Variants in KCNIP4 observed in about 807,000 individuals in gnomAD.
KCNIP4 encodes the protein potassium voltage-gated channel interacting protein 4, also known as Kv channel-interacting protein 4.
In KCNIP4, 12 loss-of-function variants were observed where a neutral mutation model predicts 34.0. The observed-to-expected ratio is 0.35, with a 90% CI of 0.23 to 0.57. KCNIP4 has a LOEUF of 0.57. Among genes scored for constraint, KCNIP4 ranks in the 20% least tolerant of loss-of-function variants. The pLI is 0.83. For synonymous variants in KCNIP4, 124 were observed against 102.2 expected (o/e 1.21, Z -1.29); for missense variants, 238 against 311.7 (o/e 0.76, Z 1.78).
chr4:21,276,288 A>C (rs1762431015), intron 1 of KCNIP4, among the ~76,000 whole-genome samples: 2 of 152,068 alleles, frequency 1.3e-5, no homozygotes, highest in South Asian at 4.1e-4. Context: ...CTGTGAGACA[A>C]TACATTTCTG....
intron 1 of KCNIP4, among the ~76,000 whole-genome samples, chr4:21,144,461 T>A (rs1436042603): frequency 2.6e-5 from 4 of 152,180 alleles, no homozygotes; most frequent in Admixed American, 2.6e-4. Flanking sequence ...GTACATAAGC[T>A]CATCTATTCC....
At chr4:21,863,585 G>A (rs989493093) in intron 1 of KCNIP4, among the ~76,000 whole-genome samples, 2 of 152,124 alleles carry the variant, frequency 1.3e-5, no homozygotes, top group African/African-American at 2.4e-5. Context: ...ATAGGACAAT[G>A]CTAGAATCCG....
chr4:21,043,906 C>T (rs566608489), intron 1 of KCNIP4, among the ~76,000 whole-genome samples: 4 of 152,194 alleles, frequency 2.6e-5, no homozygotes, highest in African/African-American at 9.6e-5. Context: ...TGTATGTCAC[C>T]ATGGTCCTAT....
intron 1 of KCNIP4, among the ~76,000 whole-genome samples, chr4:21,546,880 G>C (rs1047845326): frequency 6.6e-6 from 1 of 151,954 alleles, no homozygotes; most frequent in African/African-American, 2.4e-5. Context: ...GAGGTTTCAA[G>C]GGGCAGAACT....
chr4:20,951,075 C>T (rs1732738076), intron 1 of KCNIP4, among the ~76,000 whole-genome samples: 1 of 152,034 alleles, frequency 6.6e-6, no homozygotes, highest in Admixed American at 6.6e-5. Flanking sequence ...GGATTAGTAT[C>T]TTTATAAGAA....
At chr4:21,762,374 G>A (rs1386821880) in intron 1 of KCNIP4, among the ~76,000 whole-genome samples, 1 of 152,114 alleles carries the variant, frequency 6.6e-6, no homozygotes, top group Non-Finnish European at 1.5e-5. Flanking sequence ...CTAAAGGACA[G>A]CATTGCATTG....
intron 1 of KCNIP4, among the ~76,000 whole-genome samples, chr4:21,224,578 GTTTTTTTTT>G (rs765906146): frequency 2.2e-5 from 1 of 44,880 alleles, no homozygotes; most frequent in South Asian, 9.6e-4. Flanking sequence ...TTTTTCAACT[GTTTTTTTTT>G]TTTTTTTTTT....
chr4:21,415,313 G>T (rs1041244762), intron 1 of KCNIP4, among the ~76,000 whole-genome samples: 13 of 152,122 alleles, frequency 8.5e-5, no homozygotes, highest in African/African-American at 2.9e-4. Context: ...AGAAAATGAG[G>T]AGCTACTTTC....
At chr4:21,384,681 GC>G (rs1721855116) in intron 1 of KCNIP4, among the ~76,000 whole-genome samples, 1 of 152,176 alleles carries the variant, frequency 6.6e-6, no homozygotes, top group Non-Finnish European at 1.5e-5. Context: ...CAGAGAATTT[GC>G]CCCAGAGAAT....
At chr4:20,894,839 G>T (rs1346896483) in intron 1 of KCNIP4, among the ~76,000 whole-genome samples, 1 of 152,168 alleles carries the variant, frequency 6.6e-6, no homozygotes, top group Non-Finnish European at 1.5e-5. Context: ...ACATGATCTT[G>T]TTCTAAGAAA....
At chr4:20,937,925 T>C (rs1223037796) in intron 1 of KCNIP4, among the ~76,000 whole-genome samples, 1 of 152,196 alleles carries the variant, frequency 6.6e-6, no homozygotes, top group Non-Finnish European at 1.5e-5. Flanking sequence ...ATGGTTATTT[T>C]ACAGAGAAAT....
At chr4:21,573,241 A>C (rs1289362650) in intron 1 of KCNIP4, among the ~76,000 whole-genome samples, 3 of 152,134 alleles carry the variant, frequency 2.0e-5, no homozygotes, top group Non-Finnish European at 4.4e-5. Flanking sequence ...CAGTACCAGG[A>C]ACTTTAAATG....
chr4:20,772,210 C>T (rs184119606), intron 3 of KCNIP4, among the ~76,000 whole-genome samples: 32 of 152,232 alleles, frequency 2.1e-4, no homozygotes, highest in African/African-American at 6.5e-4. Context: ...GGTGAGTGCA[C>T]CTGCGGGGGG....
chr4:21,545,027 A>C (rs1817323), intron 1 of KCNIP4, among the ~76,000 whole-genome samples: 55,072 of 151,906 alleles, frequency 0.36, 10,259 homozygotes, highest in South Asian at 0.52. Context: ...TCTAAGTCAC[A>C]GGATGAAATA....
At chr4:21,778,632 C>G (rs1434878115) in intron 1 of KCNIP4, among the ~76,000 whole-genome samples, 2 of 152,022 alleles carry the variant, frequency 1.3e-5, no homozygotes, top group Non-Finnish European at 2.9e-5. Flanking sequence ...TAAAATATTA[C>G]AAATATCATT....
At chr4:21,769,712 T>C (rs564295175) in intron 1 of KCNIP4, among the ~76,000 whole-genome samples, 27 of 152,312 alleles carry the variant, frequency 1.8e-4, no homozygotes, top group Non-Finnish European at 3.5e-4. Context: ...TAGGAATTTA[T>C]GACACTGACG....
At chr4:21,242,163 C>CAAAA (rs11436478) in intron 1 of KCNIP4, among the ~76,000 whole-genome samples, 705 of 55,440 alleles carry the variant, frequency 0.013, 33 homozygotes, top group African/African-American at 0.029. Flanking sequence ...AATTCTGTCT[C>CAAAA]AAAAAAAAAA....
At chr4:21,106,932 T>C (rs1328373045) in intron 1 of KCNIP4, among the ~76,000 whole-genome samples, 2 of 151,542 alleles carry the variant, frequency 1.3e-5, no homozygotes, top group African/African-American at 4.9e-5. Context: ...TAATCCTGAG[T>C]TCTAGTTTGA....
intron 1 of KCNIP4, among the ~76,000 whole-genome samples, chr4:21,175,429 A>G (rs974659194): frequency 6.6e-6 from 1 of 152,052 alleles, no homozygotes; most frequent in African/African-American, 2.4e-5. Context: ...ATTACACACA[A>G]ATTTCTTTTT....
Sources: allele counts gnomAD v4.1 joint callset (sites outside exome capture counted in the v4.1 genomes callset), GRCh38; gene constraint gnomAD v4.1.1; transcripts MANE v1.5; gene names NCBI Gene and HGNC (gene_info 2026-07-23, HGNC 2026-07-21).